Variants in SEMA3B observed in about 807,000 individuals in gnomAD.
The protein encoded by SEMA3B is semaphorin 3B.
Under a neutral mutation model 77.8 loss-of-function variants are expected in SEMA3B, and 71 were observed. That is an observed-to-expected ratio of 0.91 (90% CI 0.75 to 1.11). The LOEUF (loss-of-function observed/expected upper bound fraction) is 1.11, where lower values mean the gene tolerates loss of function less well. SEMA3B is among the 50% of genes most tolerant of loss of function. SEMA3B has a pLI of 0.00. For synonymous variants in SEMA3B, 470 were observed against 452.9 expected, an observed-to-expected ratio of 1.04 and a Z score of -0.48; for missense variants, 968 against 1,056.8, an observed-to-expected ratio of 0.92 and a Z score of 1.17.
At chr3:50,272,384 G>T (rs1287816382) in intron 6 of SEMA3B, among the ~76,000 whole-genome samples, 20 of 152,054 alleles carry the variant, frequency 1.3e-4, no homozygotes, top group Non-Finnish European at 2.9e-4. Flanking sequence ...AGACTAGCCT[G>T]GCCAACATGG....
rs370904521 is a variant in SEMA3B, at chr3:50,270,213, C to T, written c.196C>T (p.Arg66Cys). The T allele has an allele frequency of 1.4e-5, 22 of 1,610,026 alleles. No homozygotes were observed. The highest frequency in any genetic ancestry group is 1.0e-4 in the Admixed American group (6 of 59,548). ...CTTGCTGGTGGATGAGGAGCGTGGA[C>T]GCCTGTTTGTGGGTGCCGAGAACCA... is the stretch of plus-strand genomic sequence containing the variant. ...QALLVDEERG[R>C]LFVGAENHVA... Residue 66 changes from arginine to cysteine, a missense_variant, in exon 2 of 17, where the codon CGC becomes TGC. Physicochemically the swap from Arg to Cys is radical, Grantham distance 180. Coordinates refer to ENST00000616701, the MANE Select transcript of SEMA3B (RefSeq NM_001290060.2). This position sits in a 1 kb window ranked among gnomAD's most constrained non-coding sequence, Gnocchi z 4.7.
At position 50,270,460 on chromosome 3, in the gene SEMA3B, C is replaced by T. The variant is rs375645412; in HGVS notation, c.295C>T (p.Arg99Ter). The T allele has an allele frequency of 1.2e-5, 19 of 1,613,576 alleles. No individual in the cohort carries two copies. Among genetic ancestry groups the T allele is most frequent in the African/African-American group, 4.0e-5 (3 of 74,932 alleles). Residue 99 changes from arginine to a stop codon, truncating the protein, a stop_gained, in exon 3 of 17, where the codon CGA becomes TGA. Transcript: ENST00000616701. LOFTEE classifies it high-confidence loss of function. This position sits in a 1 kb window ranked among gnomAD's most constrained non-coding sequence, Gnocchi z 4.7. ...KLAWPAPVEW[R>*]EECNWAGKDI... ...GGCCTGGCCGGCCCCTGTGGAATGG[C>T]GAGAGGAGTGCAACTGGGCAGGGAA...
At position 50,271,481 on chromosome 3, in the gene SEMA3B, G is replaced by A. The variant is rs1316163372; in HGVS notation, c.664+1G>A. On this transcript the variant is annotated splice_donor_variant, in intron 6 of 16. Coordinates refer to ENST00000616701, the MANE Select transcript of SEMA3B (RefSeq NM_001290060.2). LOFTEE classifies it high-confidence loss of function. ...CCACACGACTCCCGCTGGCTCAATG[G>A]TGAGAGGCTGGTGGGGTTGGTGGGT... 1.3e-6 allele frequency: 2 copies of A among 1,559,970 alleles called. No individual in the cohort carries two copies. The highest frequency in any genetic ancestry group is 1.2e-5 in the South Asian group (1 of 84,474).
At position 50,274,490 on chromosome 3, in the gene SEMA3B, T is replaced by C; in HGVS notation, c.1265T>C (p.Leu422Pro). ...CCCACTGGGGGGCGCCCTCTTTTCC[T>C]ACAAGTTGGAGCCAATTACACCTTC... Reference protein sequence around the residue: ...VLPTGGRPLFLQVGANYTFTQ... With the variant: ...VLPTGGRPLFPQVGANYTFTQ... Residue 422 changes from leucine (L) to proline (P), a missense_variant, in exon 11 of 17, where the codon CTA becomes CCA. Leu to Pro is a moderately conservative substitution (Grantham distance 98). Transcript: ENST00000616701. The surrounding 1 kb of genome is among the most constrained non-coding windows in gnomAD (Gnocchi z 4.7). 1 of 1,558,138 alleles carries C rather than the reference T, an allele frequency of 6.4e-7. No individual in the cohort carries two copies. Among genetic ancestry groups the C allele is most frequent in the South Asian group, 1.2e-5 (1 of 81,554 alleles).
At chr3:50,265,285 A>G (rs987726231), upstream of SEMA3B, among the ~76,000 whole-genome samples, 10 of 152,158 alleles carry the variant, frequency 6.6e-5, no homozygotes, top group African/African-American at 2.4e-4. Context: ...AACAAGGAAG[A>G]GTTGTGACGT....
chr3:50,276,090 C>CG lies in SEMA3B; in HGVS notation c.1846-212_1846-211insG, dbSNP rs1172139715. ...TCCCATTAAGGTCCCTGACCACCCC[C>CG]CACCAAGTTCATGTAAACCCCGCCT... On this transcript the variant is annotated intron_variant, in intron 16 of 16. Transcript: ENST00000616701. This position sits in a 1 kb window ranked among gnomAD's most constrained non-coding sequence, Gnocchi z 5.8. 20 of 790,302 alleles carry CG rather than the reference C, an allele frequency of 2.5e-5. No individual in the cohort carries two copies. The highest frequency in any genetic ancestry group is 3.5e-5 in the Non-Finnish European group (18 of 519,720). 49.0% of individuals were successfully genotyped at this position (790,302 alleles called of 1,614,324 possible). A position where few individuals can be genotyped will look rare whatever the true frequency, so the allele number is the denominator to read the frequency against.
chr3:50,276,617 C>T lies in SEMA3B; in HGVS notation c.2161C>T (p.Leu721=). ...GCAGCCTGCGCTGCAGTCACTGCCC[C>T]TGGAGTCGCGGAGAAAGGGCCGTAA... is the stretch of plus-strand genomic sequence containing the variant. ...RPQPALQSLP[L]ESRRKGRNRR... Residue 721 remains leucine (L), a synonymous_variant, in exon 17 of 17, where the codon CTG becomes TTG. Coordinates refer to ENST00000616701, the MANE Select transcript of SEMA3B (RefSeq NM_001290060.2). This position sits in a 1 kb window ranked among gnomAD's most constrained non-coding sequence, Gnocchi z 5.8. The T allele has an allele frequency of 3.8e-6, 6 of 1,591,006 alleles. No homozygotes were observed. The highest frequency in any genetic ancestry group is 2.3e-5 in the South Asian group (2 of 88,446).
upstream of SEMA3B, chr3:50,263,313 C>T (rs1700854949): frequency 6.6e-6 from 1 of 151,536 alleles, no homozygotes; most frequent in Admixed American, 6.6e-5. Flanking sequence ...GCCTGGGCAA[C>T]ATAGTGAGAC....
Position 50,269,412 on chromosome 3 carries a change from G to A in SEMA3B, c.109+63G>A. ...GTGGGCAGGAAAGGGTCCCCGTATGGCCAGGGGGCTCTGTGTTGGCTGTTG... is the reference window on the plus strand; with the variant it reads ...GTGGGCAGGAAAGGGTCCCCGTATGACCAGGGGGCTCTGTGTTGGCTGTTG... On this transcript the variant is annotated intron_variant, in intron 1 of 16. Coordinates refer to ENST00000616701, the MANE Select transcript of SEMA3B (RefSeq NM_001290060.2). This position sits in a 1 kb window ranked among gnomAD's most constrained non-coding sequence, Gnocchi z 4.0. 1 of 989,532 alleles carries A rather than the reference G, an allele frequency of 1.0e-6. No homozygotes were observed. Among genetic ancestry groups the A allele is most frequent in the Non-Finnish European group, 1.5e-6 (1 of 689,584 alleles). The allele number at this position is 989,532 out of a possible 1,614,324, so 61.3% of individuals were successfully genotyped here. A position where few individuals can be genotyped will look rare whatever the true frequency, so the allele number is the denominator to read the frequency against.
chr3:50,276,544 G>A lies in SEMA3B; in HGVS notation c.2088G>A (p.Val696=). ...KLWYRDFLQL[V]EPGGGGSANS... ...GGTACCGGGACTTTCTGCAGCTGGT[G>A]GAGCCGGGCGGAGGTGGCAGCGCGA... The change falls in exon 17 of 17, where the codon GTG becomes GTA. Residue 696 remains valine (V), a synonymous_variant. Coordinates refer to ENST00000616701, the MANE Select transcript of SEMA3B (RefSeq NM_001290060.2). This position sits in a 1 kb window ranked among gnomAD's most constrained non-coding sequence, Gnocchi z 5.8. 1 of 1,536,556 alleles carries A rather than the reference G, an allele frequency of 6.5e-7. No individual in the cohort carries two copies.
Position 50,275,290 on chromosome 3 carries a change from C to T in SEMA3B, c.1492-12C>T, listed in dbSNP as rs1160777909. On this transcript the variant is annotated splice_polypyrimidine_tract_variant and intron_variant, in intron 13 of 16. Coordinates refer to ENST00000616701, the MANE Select transcript of SEMA3B (RefSeq NM_001290060.2). This position sits in a 1 kb window ranked among gnomAD's most constrained non-coding sequence, Gnocchi z 7.5. Reference sequence around the variant, plus strand: ...CGCCCTCGGTCAGCCCAGAGCCCCTCGTGCCCCCTAGCACCAGCTGTACGT... The same window carrying T: ...CGCCCTCGGTCAGCCCAGAGCCCCTTGTGCCCCCTAGCACCAGCTGTACGT... The T allele has an allele frequency of 2.6e-6, 4 of 1,538,938 alleles. No homozygotes were observed. The highest frequency in any genetic ancestry group is 3.5e-6 in the Non-Finnish European group (4 of 1,141,336).
rs782021724 is a variant in SEMA3B, at chr3:50,270,882, C to T, written c.331-8C>T. On this transcript the variant is annotated splice_polypyrimidine_tract_variant and splice_region_variant and intron_variant, in intron 3 of 16. Coordinates refer to ENST00000616701, the MANE Select transcript of SEMA3B (RefSeq NM_001290060.2). This position sits in a 1 kb window ranked among gnomAD's most constrained non-coding sequence, Gnocchi z 4.7. ...CTGGGGGAAGCCTCACACCTCCAAC[C>T]CTACTAGACTGAGTGCATGAACTTC... 2 of 1,594,724 alleles carry T rather than the reference C, an allele frequency of 1.3e-6. No individual in the cohort carries two copies. The highest frequency in any genetic ancestry group is 1.7e-6 in the Non-Finnish European group (2 of 1,170,566).
At chr3:50,269,092 G>A (rs1356232218), upstream of SEMA3B, 6 of 632,008 alleles carry the variant, frequency 9.5e-6, no homozygotes, top group Admixed American at 2.7e-5. The surrounding 1 kb of genome is among the most constrained non-coding windows in gnomAD (Gnocchi z 4.0). Flanking sequence ...CCTAGGGGCT[G>A]TAATCTGATC....
Position 50,275,873 on chromosome 3 carries a change from GCTCCTGTCCCAC to G in SEMA3B, c.1845+31_1845+42del, listed in dbSNP as rs1553706585. 1.1e-5 allele frequency: 17 copies of G among 1,557,078 alleles called. No homozygotes were observed. Among genetic ancestry groups the G allele is most frequent in the Non-Finnish European group, 1.5e-5 (17 of 1,156,170 alleles). ...AGCCTTACTCCGCCCTCCCCGCCAG[GCTCCTGTCCCAC>G]CCCCTGCATCCAGGAGAGGCCCCGC... On this transcript the variant is annotated intron_variant, in intron 16 of 16. Coordinates refer to ENST00000616701, the MANE Select transcript of SEMA3B (RefSeq NM_001290060.2). This position sits in a 1 kb window ranked among gnomAD's most constrained non-coding sequence, Gnocchi z 7.5.
chr3:50,270,886 C>T lies in SEMA3B; in HGVS notation c.331-4C>T. The T allele has an allele frequency of 2.5e-6, 4 of 1,598,364 alleles. No homozygotes were observed. The highest frequency in any genetic ancestry group is 3.4e-6 in the Non-Finnish European group (4 of 1,172,302). ...GGGAAGCCTCACACCTCCAACCCTA[C>T]TAGACTGAGTGCATGAACTTCGTGA... On this transcript the variant is annotated splice_polypyrimidine_tract_variant and splice_region_variant and intron_variant, in intron 3 of 16. Transcript: ENST00000616701. The surrounding 1 kb of genome is among the most constrained non-coding windows in gnomAD (Gnocchi z 4.7).
In SEMA3B at chr3:50,271,116, G is replaced by C; in HGVS notation, c.479G>C (p.Arg160Thr). 6.3e-7 allele frequency: 1 copy of C among 1,584,410 alleles called. No individual in the cohort carries two copies. The highest frequency in any genetic ancestry group is 1.8e-5 in the Admixed American group (1 of 55,002). ...EEPVLRLDPGRIEDGKGKSPY... is the reference protein window; with the variant it reads ...EEPVLRLDPGTIEDGKGKSPY... ...CCCGTCCTCCGGCTGGACCCAGGAAGGATAGAGGATGGCAAGGGGAAGAGT... is the reference window on the plus strand; with the variant it reads ...CCCGTCCTCCGGCTGGACCCAGGAACGATAGAGGATGGCAAGGGGAAGAGT... Residue 160 changes from arginine to threonine, a missense_variant, in exon 5 of 17, where the codon AGG (arginine) becomes ACG (threonine). Transcript: ENST00000616701.
Position 50,270,792 on chromosome 3 carries a change from T to A in SEMA3B, c.331-98T>A. ...AGCCCATGTTAGTACTTGCCTGGGC[T>A]GATGCCGAAGAGAGGGAGGGGTGAG... On this transcript the variant is annotated intron_variant, in intron 3 of 16. Transcript: ENST00000616701. This position sits in a 1 kb window ranked among gnomAD's most constrained non-coding sequence, Gnocchi z 4.7. 1 of 1,520,684 alleles carries A rather than the reference T, an allele frequency of 6.6e-7. No individual in the cohort carries two copies. 94.2% of individuals were successfully genotyped at this position (1,520,684 alleles called of 1,614,324 possible). A position where few individuals can be genotyped will look rare whatever the true frequency, so the allele number is the denominator to read the frequency against.
rs587634819 is a variant in SEMA3B, at chr3:50,275,371, C to T, written c.1561C>T (p.Arg521Cys). 1.9e-6 allele frequency: 3 copies of T among 1,585,944 alleles called. No individual in the cohort carries two copies. Among genetic ancestry groups the T allele is most frequent in the South Asian group, 1.1e-5 (1 of 88,076 alleles). ...IALHRCAAHG[R>C]VCTECCLARD... ...GTTGCACCGCTGCGCTGCCCACGGC[C>T]GCGTCTGCACCGAATGCTGTCTGGC... Residue 521 changes from arginine (R) to cysteine (C), a missense_variant, in exon 14 of 17, where the codon CGC (arginine) becomes TGC (cysteine). Arg to Cys is a radical substitution (Grantham distance 180). Coordinates refer to ENST00000616701, the MANE Select transcript of SEMA3B (RefSeq NM_001290060.2). This position sits in a 1 kb window ranked among gnomAD's most constrained non-coding sequence, Gnocchi z 7.5.
Position 50,271,124 on chromosome 3 carries a change from G to T in SEMA3B, c.487G>T (p.Asp163Tyr). The T allele has an allele frequency of 2.5e-6, 4 of 1,585,252 alleles. No homozygotes were observed. The stretch of plus-strand genomic sequence containing the variant: ...CCGGCTGGACCCAGGAAGGATAGAG[G>T]ATGGCAAGGGGAAGAGTCCTTATGA... ...VLRLDPGRIE[D>Y]GKGKSPYDPR... Residue 163 changes from aspartate to tyrosine, a missense_variant, in exon 5 of 17, where the codon GAT becomes TAT. Coordinates refer to ENST00000616701, the MANE Select transcript of SEMA3B (RefSeq NM_001290060.2).
Sources: allele counts gnomAD v4.1 joint callset (sites outside exome capture counted in the v4.1 genomes callset), GRCh38; gene constraint gnomAD v4.1.1; non-coding constraint Gnocchi (gnomAD v3.1); transcripts MANE v1.5; gene names NCBI Gene and HGNC (gene_info 2026-07-23, HGNC 2026-07-21).